Variants in PARP16 observed in about 807,000 individuals in gnomAD.
PARP16 encodes protein mono-ADP-ribosyltransferase PARP16.
Under a neutral mutation model 35.0 loss-of-function variants are expected in PARP16, and 31 were observed. The observed-to-expected ratio is 0.88, with a 90% CI of 0.66 to 1.19. PARP16 has a LOEUF of 1.19. Among genes scored for constraint, PARP16 ranks in the 50% most tolerant of loss-of-function variants. The pLI is 0.00. For missense variants in PARP16, 424 were observed against 411.2 expected (o/e 1.03, Z -0.27); for synonymous variants, 162 against 169.5 (o/e 0.96, Z 0.34).
chr15:65,257,608 T>G (rs1596006264), downstream of PARP16, among the ~76,000 whole-genome samples: 1 of 125,098 alleles, frequency 8.0e-6, no homozygotes. Context: ...CCAGCCTGAG[T>G]GACAGAGCAA....
intron 1 of PARP16, among the ~76,000 whole-genome samples, chr15:65,283,910 CA>C (rs1191340277): frequency 4.6e-5 from 7 of 152,218 alleles, no homozygotes; most frequent in Non-Finnish European, 1.0e-4. Flanking sequence ...CGAGGGAAGT[CA>C]GTCAATTTGC....
chr15:65,254,732 T>C (rs975861183), downstream of PARP16, among the ~76,000 whole-genome samples: 2 of 152,196 alleles, frequency 1.3e-5, no homozygotes, highest in African/African-American at 4.8e-5. Flanking sequence ...TGGGCTCAGA[T>C]GCGATGGGGC....
chr15:65,247,005 T>C (rs576130079), intron 3 of PARP16, among the ~76,000 whole-genome samples: 100 of 150,542 alleles, frequency 6.6e-4, no homozygotes, highest in African/African-American at 2.3e-3. Context: ...ATTTTTTTTT[T>C]CCCAAGACAG....
intron 3 of PARP16, 91 bp from the exon 4 acceptor site, chr15:65,263,411 T>C (rs2089800707): frequency 9.1e-7 from 1 of 1,096,572 alleles, no homozygotes; most frequent in Admixed American, 2.8e-5. Flanking sequence ...TCAAGAGTTG[T>C]AAACACAAAA....
At chr15:65,232,467 T>C (rs942742240), downstream of PARP16, among the ~76,000 whole-genome samples, 6 of 152,228 alleles carry the variant, frequency 3.9e-5, no homozygotes, top group African/African-American at 1.4e-4. Context: ...TGTACAACAT[T>C]GTGCTTATAG....
downstream of PARP16, among the ~76,000 whole-genome samples, chr15:65,233,812 C>T (rs1177973895): frequency 6.6e-6 from 1 of 151,812 alleles, no homozygotes; most frequent in East Asian, 1.9e-4. Context: ...ATAAAAATGT[C>T]CAAAAGGCAA....
At chr15:65,235,434 T>C (rs2140708117) in intron 3 of PARP16, among the ~76,000 whole-genome samples, 1 of 152,200 alleles carries the variant, frequency 6.6e-6, no homozygotes, top group Admixed American at 6.5e-5. Context: ...ATTCTGTTAA[T>C]TAGATACAAG....
intron 1 of PARP16, among the ~76,000 whole-genome samples, chr15:65,282,261 A>T (rs2090442435): frequency 6.6e-6 from 1 of 152,182 alleles, no homozygotes; most frequent in Non-Finnish European, 1.5e-5. Context: ...GACCCGCCCC[A>T]GCCTCCCAGA....
chr15:65,278,215 C>G (rs769100967), intron 1 of PARP16, among the ~76,000 whole-genome samples: 16 of 152,224 alleles, frequency 1.1e-4, no homozygotes, highest in Non-Finnish European at 1.6e-4. Flanking sequence ...TGACTCCGGC[C>G]TCCATTAGTC....
intron 3 of PARP16, among the ~76,000 whole-genome samples, chr15:65,243,531 G>A (rs529912191): frequency 2.0e-5 from 3 of 152,320 alleles, no homozygotes; most frequent in East Asian, 1.9e-4. Context: ...GATTACAGGC[G>A]TGAGTGGCCA....
rs1186378307 is a variant in PARP16, at chr15:65,286,448, G to T, written c.-22C>A. On this transcript the variant is annotated 5_prime_UTR_variant, in exon 1 of 6. Transcript: ENST00000649807. ...GCATCCCAGGTCACTGCGCGTTGCC[G>T]GGGTAGACGCGCTGGTTAGGGGCAA... 1.4e-6 allele frequency: 2 copies of T among 1,449,222 alleles called. No individual in the cohort carries two copies. The highest frequency in any genetic ancestry group is 5.4e-5 in the Admixed American group (2 of 37,064). The allele number at this position is 1,449,222 out of a possible 1,614,324, so 89.8% of individuals were successfully genotyped here.
At chr15:65,262,236 G>A (rs1453452821) in intron 4 of PARP16, among the ~76,000 whole-genome samples, 2 of 151,340 alleles carry the variant, frequency 1.3e-5, no homozygotes, top group South Asian at 2.1e-4. Flanking sequence ...GGGATCAAGC[G>A]ATTCTCATGA....
chr15:65,275,091 G>A (rs2090207424), intron 1 of PARP16, among the ~76,000 whole-genome samples: 1 of 151,954 alleles, frequency 6.6e-6, no homozygotes, highest in African/African-American at 2.4e-5. Context: ...CTCCAGCCTG[G>A]GTGACACAGC....
At chr15:65,261,962 C>T (rs749556437) in intron 4 of PARP16, among the ~76,000 whole-genome samples, 21 of 152,150 alleles carry the variant, frequency 1.4e-4, no homozygotes, top group East Asian at 5.8e-4. Flanking sequence ...TTTAATGTCA[C>T]GGTTTGCAAA....
At chr15:65,253,909 C>T (rs1219981637), downstream of PARP16, among the ~76,000 whole-genome samples, 3 of 152,172 alleles carry the variant, frequency 2.0e-5, no homozygotes, top group African/African-American at 7.2e-5. Flanking sequence ...CCTCTGCCTC[C>T]CAGGTTCAAC....
downstream of PARP16, among the ~76,000 whole-genome samples, chr15:65,233,885 A>G (rs1309995611): frequency 1.3e-5 from 2 of 152,132 alleles, no homozygotes; most frequent in Non-Finnish European, 2.9e-5. Flanking sequence ...AGTATTCCTT[A>G]CTTTCTTGCC....
In PARP16 at chr15:65,273,276, C is replaced by CAAAAAAAAAAAAAAAAA. The variant is rs1233896826; in HGVS notation, c.175-2221_175-2205dup. Among the ~76,000 whole-genome samples, 47 of 57,520 alleles carry CAAAAAAAAAAAAAAAAA rather than the reference C, an allele frequency of 8.2e-4. 4 individuals are homozygous for CAAAAAAAAAAAAAAAAA. The highest frequency in any genetic ancestry group is 1.2e-3 in the Admixed American group (4 of 3,424). The allele number at this position is 57,520 out of a possible 152,430, so 37.7% of individuals were successfully genotyped here. A position where few individuals can be genotyped will look rare whatever the true frequency, so the allele number is the denominator to read the frequency against. ...CTGGTGACAGAGAGAGACTCTGTCT[C>CAAAAAAAAAAAAAAAAA]AAAAAAAAAAAAAAAAAAGAATACC... On this transcript the variant is annotated intron_variant, in intron 1 of 5. Coordinates refer to ENST00000649807, the MANE Select transcript of PARP16 (RefSeq NM_001316943.2).
At chr15:65,265,053 C>T (rs1439342475) in intron 3 of PARP16, among the ~76,000 whole-genome samples, 4 of 152,194 alleles carry the variant, frequency 2.6e-5, no homozygotes, top group Non-Finnish European at 5.9e-5. Context: ...GGACTGAGAG[C>T]CAGTGTAAAC....
intron 3 of PARP16, among the ~76,000 whole-genome samples, chr15:65,239,955 CT>C (rs367808430): frequency 1.6e-4 from 13 of 81,718 alleles, no homozygotes; most frequent in Admixed American, 1.5e-3. Context: ...CGCGTCTGAC[CT>C]TTTTTTTTTT....
Sources: gnomAD v4.1 joint callset for allele counts (sites outside exome capture counted in the v4.1 genomes callset) on GRCh38, gnomAD v4.1.1 for gene constraint, MANE v1.5 for transcripts, NCBI Gene and HGNC (gene_info 2026-07-23, HGNC 2026-07-21) for gene names.